Variants in TRAPPC9 observed in about 807,000 individuals in gnomAD.
The protein encoded by TRAPPC9 is IKK2 binding protein.
A neutral mutation model predicts 124.0 loss-of-function variants in TRAPPC9; 83 were observed. The ratio of observed to expected loss-of-function variants is 0.67; its 90% confidence interval spans 0.56 to 0.80. TRAPPC9 has a LOEUF of 0.80. TRAPPC9 is among the 30% of genes least tolerant of loss of function. TRAPPC9 has a pLI of 0.00. For missense variants in TRAPPC9, 1,302 were observed against 1,508.3 expected, an observed-to-expected ratio of 0.86 and a Z score of 2.27; for synonymous variants, 638 against 617.5, an observed-to-expected ratio of 1.03 and a Z score of -0.49.
At chr8:140,049,518 C>T (rs1340775185) in intron 17 of TRAPPC9, among the ~76,000 whole-genome samples, 1 of 151,914 alleles carries the variant, frequency 6.6e-6, no homozygotes, top group African/African-American at 2.4e-5. Context: ...CACCTCTCAT[C>T]AAGCATGAAG....
intron 5 of TRAPPC9, among the ~76,000 whole-genome samples, chr8:140,407,946 G>C (rs1318997411): frequency 6.6e-6 from 1 of 152,094 alleles, no homozygotes; most frequent in Non-Finnish European, 1.5e-5. Flanking sequence ...CAACATCAAG[G>C]CTAGAGGAAA....
At chr8:140,432,144 A>C (rs894943814) in intron 4 of TRAPPC9, among the ~76,000 whole-genome samples, 1 of 152,228 alleles carries the variant, frequency 6.6e-6, no homozygotes, top group Admixed American at 6.5e-5. Context: ...GACATTAAAA[A>C]TATATGTGTA....
chr8:140,119,906 T>C (rs1034833268), intron 17 of TRAPPC9, among the ~76,000 whole-genome samples: 1 of 152,202 alleles, frequency 6.6e-6, no homozygotes, highest in African/African-American at 2.4e-5. Context: ...TCCATCTCCC[T>C]CTAACCTACT....
At chr8:140,151,438 C>T (rs2130828231) in intron 17 of TRAPPC9, among the ~76,000 whole-genome samples, 1 of 152,288 alleles carries the variant, frequency 6.6e-6, no homozygotes. Context: ...CTTTGGGGAC[C>T]AGAAGGCTCA....
rs371964032 is a variant in TRAPPC9 at position 140,367,887 on chromosome 8, T to C, written c.1351+3077A>G. On this transcript the variant is annotated intron_variant, in intron 8 of 22. Transcript: ENST00000438773. ...CACATCCTCATGGTCCATCTAAAGG[T>C]GTCAATCATGAAATAAGGGGTGGGG... 2.6e-5 allele frequency among the ~76,000 whole-genome samples: 4 copies of C among 152,154 alleles called. No individual in the cohort carries two copies. In the South Asian group the frequency reaches 8.3e-4, roughly 32 times the overall value.
chr8:140,275,948 G>T, intron 14 of TRAPPC9, 127 bp from the exon 15 acceptor site: 1 of 769,682 alleles, frequency 1.3e-6, no homozygotes. Flanking sequence ...GGAAATCTGG[G>T]CTTCATATAT....
intron 19 of TRAPPC9, among the ~76,000 whole-genome samples, chr8:139,930,355 C>T (rs1037559283): frequency 6.6e-6 from 1 of 152,198 alleles, no homozygotes; most frequent in Non-Finnish European, 1.5e-5. Context: ...GCAAGGCCAG[C>T]GCGCTCACAC....
In TRAPPC9 at chr8:140,450,786, T is replaced by G. The variant is rs1414733850; in HGVS notation, c.584+4A>C. On this transcript the variant is annotated splice_donor_region_variant and intron_variant, in intron 2 of 22. Coordinates refer to ENST00000438773, the MANE Select transcript of TRAPPC9 (RefSeq NM_001160372.4). ...AAGGGGCCTGGGTCTCTAGGTAAGC[T>G]TACCTGCTGTCTGTGTCCAGTCCTA... is the stretch of plus-strand genomic sequence containing the variant. 1.9e-6 allele frequency: 3 copies of G among 1,601,570 alleles called. No homozygotes were observed. The highest frequency in any genetic ancestry group is 2.6e-6 in the Non-Finnish European group (3 of 1,173,166).
At chr8:139,794,368 C>T (rs951448390) in intron 21 of TRAPPC9, among the ~76,000 whole-genome samples, 7 of 152,226 alleles carry the variant, frequency 4.6e-5, no homozygotes, top group African/African-American at 1.7e-4. Flanking sequence ...TCTCAAATTA[C>T]CACCCCATCT....
intron 17 of TRAPPC9, among the ~76,000 whole-genome samples, chr8:140,169,326 C>T (rs2061914547): frequency 1.3e-5 from 2 of 152,152 alleles, no homozygotes; most frequent in Admixed American, 6.5e-5. Flanking sequence ...AGAACCCTCG[C>T]GCATGACTGG....
At chr8:140,435,354 TA>T (rs1588350339) in intron 3 of TRAPPC9, 114 bp from the exon 4 acceptor site, 1 of 1,375,158 alleles carries the variant, frequency 7.3e-7, no homozygotes, top group East Asian at 2.4e-5. Context: ...AACAATGATT[TA>T]AACAGGTGGA....
At chr8:139,876,512 A>C (rs1829331760) in intron 21 of TRAPPC9, among the ~76,000 whole-genome samples, 1 of 152,152 alleles carries the variant, frequency 6.6e-6, no homozygotes, top group Non-Finnish European at 1.5e-5. Context: ...AGGCCAGCAA[A>C]TACCAGGATC....
chr8:139,929,704 G>A (rs1251637128), intron 19 of TRAPPC9, among the ~76,000 whole-genome samples: 2 of 152,244 alleles, frequency 1.3e-5, no homozygotes, highest in Non-Finnish European at 2.9e-5. Context: ...GCTGCTTCAG[G>A]AACCATGGTG....
intron 19 of TRAPPC9, among the ~76,000 whole-genome samples, chr8:139,950,943 T>C (rs1190818831): frequency 6.6e-6 from 1 of 152,020 alleles, no homozygotes; most frequent in Non-Finnish European, 1.5e-5. Context: ...GCCAAACAAA[T>C]GAACTATAAA....
At chr8:140,130,275 C>A (rs1384671254) in intron 17 of TRAPPC9, among the ~76,000 whole-genome samples, 1 of 152,154 alleles carries the variant, frequency 6.6e-6, no homozygotes, top group Non-Finnish European at 1.5e-5. Context: ...CTTTACAGCA[C>A]CTTCGTAGAA....
chr8:139,731,656 T>C (rs932103243), intron 22 of TRAPPC9, among the ~76,000 whole-genome samples: 2 of 151,730 alleles, frequency 1.3e-5, no homozygotes, highest in Non-Finnish European at 2.9e-5. Context: ...ACGGGATGGG[T>C]GACAGTGACA....
chr8:140,269,831 G>T (rs1004073115), intron 15 of TRAPPC9, among the ~76,000 whole-genome samples: 2 of 152,146 alleles, frequency 1.3e-5, no homozygotes, highest in African/African-American at 4.8e-5. Flanking sequence ...GGGCACGGTC[G>T]CTCGTGCCTG....
chr8:140,328,917 A>G (rs1250925817), intron 9 of TRAPPC9, among the ~76,000 whole-genome samples: 1 of 152,118 alleles, frequency 6.6e-6, no homozygotes, highest in Non-Finnish European at 1.5e-5. Context: ...GACCGGGTGG[A>G]GGAGAGCCAC....
chr8:139,827,376 C>T (rs929238393), intron 21 of TRAPPC9, among the ~76,000 whole-genome samples: 5 of 152,200 alleles, frequency 3.3e-5, no homozygotes, highest in Admixed American at 6.5e-5. Context: ...GGCTGATCCC[C>T]GTAATCCCTT....
Sources: allele counts gnomAD v4.1 joint callset (sites outside exome capture counted in the v4.1 genomes callset), GRCh38; gene constraint gnomAD v4.1.1; transcripts MANE v1.5; gene names NCBI Gene and HGNC (gene_info 2026-07-23, HGNC 2026-07-21).